Variants in ABTB2 observed in about 807,000 individuals in gnomAD.
ABTB2 encodes ankyrin repeat and BTB domain containing 2.
A neutral mutation model predicts 104.1 loss-of-function variants in ABTB2; 56 were observed. The observed-to-expected ratio is 0.54, with a 90% CI of 0.43 to 0.67. The LOEUF (loss-of-function observed/expected upper bound fraction) is 0.67. Ranked by LOEUF, ABTB2 falls within the 30% of genes least tolerant of loss-of-function variation. ABTB2 has a pLI of 0.00. For synonymous variants in ABTB2, 606 were observed against 608.2 expected, an observed-to-expected ratio of 1.00 and a Z score of 0.05; for missense variants, 1,279 against 1,407.7, an observed-to-expected ratio of 0.91 and a Z score of 1.46.
chr11:34,210,354 G>A (rs767862516), intron 1 of ABTB2, among the ~76,000 whole-genome samples: 26 of 152,146 alleles, frequency 1.7e-4, no homozygotes, highest in Admixed American at 7.9e-4. Flanking sequence ...CTTGTGAATT[G>A]TCAACAGTGG....
In ABTB2 at chr11:34,322,533, C is replaced by A. The variant is rs376465144; in HGVS notation, c.883+34168G>T. ...GAAGTTGCAGTGAACTGAGATTGCACCACTGCACTCCAGCCTAGGTGACAC... is the reference window on the plus strand; with the variant it reads ...GAAGTTGCAGTGAACTGAGATTGCAACACTGCACTCCAGCCTAGGTGACAC... On this transcript the variant is annotated intron_variant, in intron 1 of 16. Coordinates refer to ENST00000435224, the MANE Select transcript of ABTB2 (RefSeq NM_145804.3). Among the ~76,000 whole-genome samples, 35 of 152,006 alleles carry A rather than the reference C, an allele frequency of 2.3e-4. No individual in the cohort carries two copies. In the East Asian group the frequency reaches 6.6e-3, roughly 29 times the overall value.
chr11:34,312,878 T>A (rs887697318), intron 1 of ABTB2, among the ~76,000 whole-genome samples: 1 of 152,196 alleles, frequency 6.6e-6, no homozygotes, highest in Non-Finnish European at 1.5e-5. Context: ...TATTCTCATT[T>A]TATAGGAGAA....
At chr11:34,165,991 AGACG>A (rs1852795246) in intron 7 of ABTB2, among the ~76,000 whole-genome samples, 1 of 152,250 alleles carries the variant, frequency 6.6e-6, no homozygotes, top group Non-Finnish European at 1.5e-5. Flanking sequence ...GACAGGGGAC[AGACG>A]GGGCAGGGTT....
chr11:34,184,122 C>T (rs893338529), intron 3 of ABTB2, among the ~76,000 whole-genome samples: 6 of 151,648 alleles, frequency 4.0e-5, no homozygotes, highest in Non-Finnish European at 5.9e-5. Flanking sequence ...CTGCTGCGTC[C>T]GGCCTCCAGG....
At chr11:34,155,967 CCTGGAA>C (rs1852619568) in intron 14 of ABTB2, among the ~76,000 whole-genome samples, 1 of 152,214 alleles carries the variant, frequency 6.6e-6, no homozygotes, top group Admixed American at 6.5e-5. Context: ...AGGAGCAGTG[CCTGGAA>C]TGCCCCTCAT....
chr11:34,161,733 A>G (rs1019935676), intron 10 of ABTB2, among the ~76,000 whole-genome samples: 2 of 152,208 alleles, frequency 1.3e-5, no homozygotes, highest in African/African-American at 4.8e-5. Flanking sequence ...GACATAAACT[A>G]GTCCTGTCCC....
rs572697728 is a variant in ABTB2 at position 34,320,473 on chromosome 11, G to C, written c.883+36228C>G. Among the ~76,000 whole-genome samples the C allele has an allele frequency of 5.3e-5, 8 of 152,260 alleles. 1 individual carries two copies. The South Asian group carries it at 1.7e-3, about 32-fold the overall frequency. ...AGCTGAAAAGGCCATTTCAGCTGTA[G>C]ACCATTTCAATGCCTCCACAGGTGT... is the stretch of plus-strand genomic sequence containing the variant. On this transcript the variant is annotated intron_variant, in intron 1 of 16. Transcript: ENST00000435224.
chr11:34,320,236 T>C lies in ABTB2; in HGVS notation c.883+36465A>G, dbSNP rs567344518. Among the ~76,000 whole-genome samples the C allele has an allele frequency of 1.6e-4, 25 of 152,348 alleles. No homozygotes were observed. In the South Asian group the frequency reaches 5.2e-3, roughly 32 times the overall value. The stretch of plus-strand genomic sequence containing the variant: ...TGTCTCCCCAAAATATGTGCACAGA[T>C]GACCCAAATAGAAATTTAATTCTGG... On this transcript the variant is annotated intron_variant, in intron 1 of 16. Transcript: ENST00000435224.
intron 5 of ABTB2, among the ~76,000 whole-genome samples, chr11:34,169,348 A>G (rs548663101): frequency 9.2e-5 from 14 of 152,308 alleles, no homozygotes; most frequent in African/African-American, 3.1e-4. Context: ...CAATACGACT[A>G]CAATAATCAT....
At chr11:34,296,798 A>G (rs1854627737) in intron 1 of ABTB2, among the ~76,000 whole-genome samples, 1 of 152,210 alleles carries the variant, frequency 6.6e-6, no homozygotes, top group Admixed American at 6.5e-5. Flanking sequence ...AAATGGCAAT[A>G]AGGAGGATCC....
Position 34,239,894 on chromosome 11 carries a change from T to C in ABTB2, c.884-35204A>G, listed in dbSNP as rs112137599. Among the ~76,000 whole-genome samples the C allele has an allele frequency of 1.2e-4, 19 of 152,326 alleles. 1 individual carries two copies. Among genetic ancestry groups the C allele is most frequent in the Non-Finnish European group, 8.8e-5 (6 of 68,026 alleles). On this transcript the variant is annotated intron_variant, in intron 1 of 16. Coordinates refer to ENST00000435224, the MANE Select transcript of ABTB2 (RefSeq NM_145804.3). ...TTCTAGTTCATTCAAATGGACTGTC[T>C]TCCCAAAAAAGCAAGGCATCTGTTT...
intron 1 of ABTB2, among the ~76,000 whole-genome samples, chr11:34,307,707 T>G (rs937115383): frequency 2.6e-5 from 4 of 152,100 alleles, no homozygotes; most frequent in African/African-American, 7.2e-5. Context: ...CTCTGTTTTT[T>G]TTTTTTTTTG....
At chr11:34,168,855 ACAG>A (rs1470998901) in intron 5 of ABTB2, among the ~76,000 whole-genome samples, 13 of 152,382 alleles carry the variant, frequency 8.5e-5, no homozygotes, top group Admixed American at 7.2e-4. Flanking sequence ...GTGGCCGGCA[ACAG>A]CAAAGGCAGT....
At chr11:34,176,801 C>T (rs552316855) in intron 3 of ABTB2, among the ~76,000 whole-genome samples, 49 of 152,266 alleles carry the variant, frequency 3.2e-4, no homozygotes, top group East Asian at 9.6e-4. Flanking sequence ...TTTTCAAGAG[C>T]CTAGTGTTGA....
rs370402226 is a variant in ABTB2, at chr11:34,204,466, G to C, written c.1030+78C>G. The stretch of plus-strand genomic sequence containing the variant: ...CAGAGCACTTGGAGGAGGAGGAGGC[G>C]AGCTCTCCCTGCCTTCCCCCAGCCC... On this transcript the variant is annotated intron_variant, in intron 2 of 16. Transcript: ENST00000435224. 1.2e-5 allele frequency: 17 copies of C among 1,468,514 alleles called. No individual in the cohort carries two copies. In the East Asian group the frequency reaches 1.2e-4, roughly 11 times the overall value. The allele number at this position is 1,468,514 out of a possible 1,614,324, so 91.0% of individuals were successfully genotyped here. A position where few individuals can be genotyped will look rare whatever the true frequency, so the allele number is the denominator to read the frequency against.
chr11:34,231,625 C>A (rs1853770137), intron 1 of ABTB2, among the ~76,000 whole-genome samples: 1 of 152,176 alleles, frequency 6.6e-6, no homozygotes, highest in Admixed American at 6.5e-5. Context: ...GGCTGGAGTG[C>A]AATGGCGCAA....
At chr11:34,193,358 C>T (rs954215188) in intron 3 of ABTB2, among the ~76,000 whole-genome samples, 6 of 152,226 alleles carry the variant, frequency 3.9e-5, no homozygotes, top group African/African-American at 1.4e-4. Flanking sequence ...GCAGAGCTTT[C>T]CCAGGATAGT....
rs1852554307 is a variant in ABTB2 at position 34,152,353 on chromosome 11, C to T, written c.*34G>A. 4 of 1,538,496 alleles carry T rather than the reference C, an allele frequency of 2.6e-6. No homozygotes were observed. The South Asian group carries it at 4.8e-5, about 18-fold the overall frequency. On this transcript the variant is annotated 3_prime_UTR_variant, in exon 17 of 17. Coordinates refer to ENST00000435224, the MANE Select transcript of ABTB2 (RefSeq NM_145804.3). ...GACATGGTGGGCCCTGGCACCTCCA[C>T]AGGCCCTGGCCTCGGCAGCCTCCGC... is the stretch of plus-strand genomic sequence containing the variant.
chr11:34,191,479 A>G (rs1231730068), intron 3 of ABTB2, among the ~76,000 whole-genome samples: 2 of 152,216 alleles, frequency 1.3e-5, no homozygotes, highest in African/African-American at 4.8e-5. Flanking sequence ...TAGCCCTAGC[A>G]AAAAGAGCTC....
Sources: gnomAD v4.1 joint callset for allele counts (sites outside exome capture counted in the v4.1 genomes callset) on GRCh38, gnomAD v4.1.1 for gene constraint, MANE v1.5 for transcripts, NCBI Gene and HGNC (gene_info 2026-07-23, HGNC 2026-07-21) for gene names.